Variants in TOP1 observed in about 807,000 individuals in gnomAD.
The protein encoded by TOP1 is DNA topoisomerase 1.
A neutral mutation model predicts 111.1 loss-of-function variants in TOP1; 10 were observed. The ratio of observed to expected loss-of-function variants is 0.09; its 90% confidence interval spans 0.06 to 0.15. The LOEUF (loss-of-function observed/expected upper bound fraction) is 0.15, where lower values mean the gene tolerates loss of function less well. Ranked by LOEUF, TOP1 falls within the 10% of genes least tolerant of loss-of-function variation. The pLI is 1.00. For missense variants in TOP1, 474 were observed against 926.7 expected, an observed-to-expected ratio of 0.51 and a Z score of 6.34; for synonymous variants, 271 against 302.9, an observed-to-expected ratio of 0.89 and a Z score of 1.10.
rs1440098948 is a variant in TOP1 at position 41,112,213 on chromosome 20, A to G, written c.1309-569A>G. ...TCTGCTTCTTTGACAGCTCCACCAC[A>G]CTGTAATTTAATGGAATTCACTTAG... On this transcript the variant is annotated intron_variant, in intron 13 of 20. Transcript: ENST00000361337. This position sits in a 1 kb window ranked among gnomAD's most constrained non-coding sequence, Gnocchi z 5.8. 6.6e-6 allele frequency among the ~76,000 whole-genome samples: 1 copy of G among 152,160 alleles called. No individual in the cohort carries two copies. The highest frequency in any genetic ancestry group is 1.5e-5 in the Non-Finnish European group (1 of 68,042).
Position 41,122,180 on chromosome 20 carries a change from T to A in TOP1, c.2195+25T>A. 1 of 1,612,372 alleles carries A rather than the reference T, an allele frequency of 6.2e-7. No homozygotes were observed. The highest frequency in any genetic ancestry group is 8.5e-7 in the Non-Finnish European group (1 of 1,179,020). ...GGTAAGTGTTGAGCCCTCCTTGAGC[T>A]CCTGCTGCTAGCTTAAGAAAGGTGG... is the stretch of plus-strand genomic sequence containing the variant. On this transcript the variant is annotated intron_variant, in intron 20 of 20. Transcript: ENST00000361337. This position sits in a 1 kb window ranked among gnomAD's most constrained non-coding sequence, Gnocchi z 5.4.
In TOP1 at chr20:41,055,096, T is replaced by G. The variant is rs530765874; in HGVS notation, c.59-6298T>G. 9.8e-5 allele frequency among the ~76,000 whole-genome samples: 15 copies of G among 152,330 alleles called. No individual in the cohort carries two copies. In the South Asian group the frequency reaches 3.1e-3, roughly 32 times the overall value. On this transcript the variant is annotated intron_variant, in intron 2 of 20. Coordinates refer to ENST00000361337, the MANE Select transcript of TOP1 (RefSeq NM_003286.4). ...GAGTTAGTTGCCATAAGTCTTCTGT[T>G]TTATCAAGATTGCTTTATTGCAGGG...
chr20:41,029,367 C>A lies in TOP1; in HGVS notation c.34-64C>A. ...CAGGGTGAGCCAGACCCCGGCCGCG[C>A]GCGCTCGCCGCCGGAGGGGTTAAAG... is the stretch of plus-strand genomic sequence containing the variant. On this transcript the variant is annotated intron_variant, in intron 1 of 20. Coordinates refer to ENST00000361337, the MANE Select transcript of TOP1 (RefSeq NM_003286.4). The surrounding 1 kb of genome is among the most constrained non-coding windows in gnomAD (Gnocchi z 6.1). The A allele has an allele frequency of 7.1e-7, 1 of 1,403,274 alleles. No individual in the cohort carries two copies. The highest frequency in any genetic ancestry group is 9.4e-7 in the Non-Finnish European group (1 of 1,065,322). 86.9% of individuals were successfully genotyped at this position (1,403,274 alleles called of 1,614,324 possible). A position where few individuals can be genotyped will look rare whatever the true frequency, so the allele number is the denominator to read the frequency against.
intron 3 of TOP1, among the ~76,000 whole-genome samples, chr20:41,074,611 G>C (rs754292301): frequency 2.0e-5 from 3 of 151,928 alleles, no homozygotes; most frequent in Admixed American, 6.6e-5. Flanking sequence ...CCTATCTCAA[G>C]TTGTAGCTAC....
In TOP1 at chr20:41,121,653, T is replaced by A; in HGVS notation, c.1951-43T>A. ...TTTCACCTTCTCAGGTGGAGCCATT[T>A]TTCCTCTACAGCTCATAACCTTACC... is the stretch of plus-strand genomic sequence containing the variant. On this transcript the variant is annotated intron_variant, in intron 18 of 20. Coordinates refer to ENST00000361337, the MANE Select transcript of TOP1 (RefSeq NM_003286.4). The surrounding 1 kb of genome is among the most constrained non-coding windows in gnomAD (Gnocchi z 4.2). 2 of 1,533,438 alleles carry A rather than the reference T, an allele frequency of 1.3e-6. No homozygotes were observed. The highest frequency in any genetic ancestry group is 1.8e-6 in the Non-Finnish European group (2 of 1,106,940). The allele number at this position is 1,533,438 out of a possible 1,614,324, so 95.0% of individuals were successfully genotyped here. A position where few individuals can be genotyped will look rare whatever the true frequency, so the allele number is the denominator to read the frequency against.
intron 3 of TOP1, among the ~76,000 whole-genome samples, chr20:41,075,117 CTGTTGT>C (rs531496328): frequency 7.9e-5 from 12 of 151,682 alleles, no homozygotes; most frequent in African/African-American, 1.9e-4. Context: ...TTGTTTTTTT[CTGTTGT>C]TGTTGTTGTT....
rs59200685 is a variant in TOP1 at position 41,089,020 on chromosome 20, C to CTTTTTTTTTTTTTTTTTT, written c.615-3447_615-3430dup. On this transcript the variant is annotated intron_variant, in intron 8 of 20. Coordinates refer to ENST00000361337, the MANE Select transcript of TOP1 (RefSeq NM_003286.4). Reference sequence around the variant, plus strand: ...TCCCCACTTCTCTGTTGCCCCAGTTCTTTTTTTTTTTTTTTTTTTTTTGAG... The same window carrying CTTTTTTTTTTTTTTTTTT: ...TCCCCACTTCTCTGTTGCCCCAGTTCTTTTTTTTTTTTTTTTTTTTTTTTTTTTTTTTTTTTTTTTGAG... 3.9e-3 allele frequency among the ~76,000 whole-genome samples: 301 copies of CTTTTTTTTTTTTTTTTTT among 77,886 alleles called. 42 individuals are homozygous for CTTTTTTTTTTTTTTTTTT. The highest frequency in any genetic ancestry group is 0.022 in the East Asian group (35 of 1,604). 51.1% of individuals were successfully genotyped at this position (77,886 alleles called of 152,430 possible).
chr20:41,111,419 A>G (rs1865486390), intron 13 of TOP1, among the ~76,000 whole-genome samples: 1 of 152,196 alleles, frequency 6.6e-6, no homozygotes, highest in Admixed American at 6.5e-5. Context: ...TCTTGTAGCC[A>G]AACAAGTGCA....
At position 41,106,893 on chromosome 20, in the gene TOP1, A is replaced by G. The variant is rs1257797379; in HGVS notation, c.1308+5540A>G. On this transcript the variant is annotated intron_variant, in intron 13 of 20. Transcript: ENST00000361337. The surrounding 1 kb of genome is among the most constrained non-coding windows in gnomAD (Gnocchi z 4.3). ...AGTTCATATATTTCATATTTCTTTA[A>G]GTTTTAATTTTTATTTTTAAACACA... 2.0e-5 allele frequency among the ~76,000 whole-genome samples: 3 copies of G among 152,110 alleles called. 1 individual carries two copies. The highest frequency in any genetic ancestry group is 7.2e-5 in the African/African-American group (3 of 41,442).
Position 41,078,637 on chromosome 20 carries a change from G to A in TOP1, c.335+1000G>A, listed in dbSNP as rs1323163924. Among the ~76,000 whole-genome samples the A allele has an allele frequency of 6.6e-6, 1 of 152,232 alleles. No homozygotes were observed. The highest frequency in any genetic ancestry group is 1.5e-5 in the Non-Finnish European group (1 of 68,046). On this transcript the variant is annotated intron_variant, in intron 5 of 20. Transcript: ENST00000361337. The surrounding 1 kb of genome is among the most constrained non-coding windows in gnomAD (Gnocchi z 5.3). Reference sequence around the variant, plus strand: ...TTTTGATTTCTGAGATAAAGTGACTGAGGAGGCACTGCTGGGCTAATCTCT... The same window carrying A: ...TTTTGATTTCTGAGATAAAGTGACTAAGGAGGCACTGCTGGGCTAATCTCT...
intron 2 of TOP1, among the ~76,000 whole-genome samples, chr20:41,050,232 G>T (rs1380595571): frequency 6.6e-6 from 1 of 152,166 alleles, no homozygotes; most frequent in African/African-American, 2.4e-5. Context: ...TGGTCAGGCT[G>T]GTCTTGAACT....
intron 2 of TOP1, among the ~76,000 whole-genome samples, chr20:41,042,295 T>C (rs1299716823): frequency 6.6e-6 from 1 of 152,116 alleles, no homozygotes. Context: ...TAAGTTATAG[T>C]TTCTACCTTT....
chr20:41,040,246 G>A (rs1476362958), intron 2 of TOP1, among the ~76,000 whole-genome samples: 1 of 152,246 alleles, frequency 6.6e-6, no homozygotes, highest in Non-Finnish European at 1.5e-5. Flanking sequence ...AAGATGCAGA[G>A]TACATAGTGG....
intron 3 of TOP1, among the ~76,000 whole-genome samples, chr20:41,066,359 TTCTTCA>T (rs2033606830): frequency 6.6e-6 from 1 of 152,064 alleles, no homozygotes; most frequent in African/African-American, 2.4e-5. Flanking sequence ...TCAACTCAGT[TTCTTCA>T]TCTTCATCTT....
chr20:41,121,808 T>G lies in TOP1; in HGVS notation c.2045+18T>G, dbSNP rs2034427453. ...ACGAAGAAGTATGTACCTGGTATTG[T>G]GAAAGTTGGGGCTGGTAGAGAAAAG... On this transcript the variant is annotated intron_variant, in intron 19 of 20. Coordinates refer to ENST00000361337, the MANE Select transcript of TOP1 (RefSeq NM_003286.4). The surrounding 1 kb of genome is among the most constrained non-coding windows in gnomAD (Gnocchi z 4.2). 1.2e-6 allele frequency: 2 copies of G among 1,610,958 alleles called. No homozygotes were observed. The highest frequency in any genetic ancestry group is 1.7e-5 in the Admixed American group (1 of 60,026).
intron 4 of TOP1, 150 bp from the exon 5 acceptor site, chr20:41,077,432 A>G (rs2033741368): frequency 4.9e-6 from 3 of 610,606 alleles, no homozygotes; most frequent in Non-Finnish European, 5.8e-6. Context: ...GACACATTTC[A>G]GGACCTTTAG....
Position 41,028,873 on chromosome 20 carries a change from C to T in TOP1, c.-195C>T, listed in dbSNP as rs1317246326. The T allele has an allele frequency of 3.6e-6, 2 of 560,606 alleles. No individual in the cohort carries two copies. The highest frequency in any genetic ancestry group is 3.4e-5 in the Admixed American group (1 of 29,206). 34.7% of individuals were successfully genotyped at this position (560,606 alleles called of 1,614,324 possible). ...ACTGCTGGGGTCTGTTCTCGCCGCC[C>T]GCCCGGCAGTCAGGCAGCGTCGCCG... On this transcript the variant is annotated 5_prime_UTR_variant, in exon 1 of 21. Transcript: ENST00000361337.
rs931318120 is a variant in TOP1, at chr20:41,082,132, C to T, written c.507+892C>T. The stretch of plus-strand genomic sequence containing the variant: ...GGGTGAGTTCTTAGCTCTTATGCTA[C>T]ATTTGAGGTTAGCCACTGTCATGGG... On this transcript the variant is annotated intron_variant, in intron 7 of 20. Coordinates refer to ENST00000361337, the MANE Select transcript of TOP1 (RefSeq NM_003286.4). The surrounding 1 kb of genome is among the most constrained non-coding windows in gnomAD (Gnocchi z 4.1). Among the ~76,000 whole-genome samples the T allele has an allele frequency of 1.3e-5, 2 of 152,160 alleles. No individual in the cohort carries two copies. The highest frequency in any genetic ancestry group is 4.8e-5 in the African/African-American group (2 of 41,442).
Position 41,092,646 on chromosome 20 carries a change from G to C in TOP1, c.730+59G>C, listed in dbSNP as rs2033933742. 1 of 811,866 alleles carries C rather than the reference G, an allele frequency of 1.2e-6. No homozygotes were observed. The highest frequency in any genetic ancestry group is 2.0e-6 in the Non-Finnish European group (1 of 503,906). The allele number at this position is 811,866 out of a possible 1,614,324, so 50.3% of individuals were successfully genotyped here. A position where few individuals can be genotyped will look rare whatever the true frequency, so the allele number is the denominator to read the frequency against. On this transcript the variant is annotated intron_variant, in intron 9 of 20. Transcript: ENST00000361337. This position sits in a 1 kb window ranked among gnomAD's most constrained non-coding sequence, Gnocchi z 4.3. Reference sequence around the variant, plus strand: ...GGAAAAGAAATCTGCTTCTATTTAGGGATAGAAAACAAGGAAGGATCCTAT... The same window carrying C: ...GGAAAAGAAATCTGCTTCTATTTAGCGATAGAAAACAAGGAAGGATCCTAT...
Sources: gnomAD v4.1 joint callset for allele counts (sites outside exome capture counted in the v4.1 genomes callset) on GRCh38, gnomAD v4.1.1 for gene constraint, Gnocchi (gnomAD v3.1) non-coding constraint, MANE v1.5 for transcripts, NCBI Gene and HGNC (gene_info 2026-07-23, HGNC 2026-07-21) for gene names.